The following PRKG1 variants were observed in gnomAD, a reference collection of about 807,000 sequenced individuals.
PRKG1 encodes protein kinase cGMP-dependent 1.
In PRKG1, 35 loss-of-function variants were observed where a neutral mutation model predicts 88.1. The observed-to-expected ratio is 0.40, with a 90% CI of 0.30 to 0.53. The LOEUF (loss-of-function observed/expected upper bound fraction) is 0.53, where lower values mean the gene tolerates loss of function less well. PRKG1 is among the 20% of genes least tolerant of loss of function. The pLI is 0.59. For missense variants in PRKG1, 540 were observed against 839.8 expected, an observed-to-expected ratio of 0.64 and a Z score of 4.41; for synonymous variants, 303 against 292.5, an observed-to-expected ratio of 1.04 and a Z score of -0.37.
rs561052708 is a variant in PRKG1, at chr10:51,318,139, T to C, written c.479-149584T>C. Among the ~76,000 whole-genome samples the C allele has an allele frequency of 2.1e-3, 314 of 152,330 alleles. 2 individuals carry two copies. The highest frequency in any genetic ancestry group is 7.3e-3 in the African/African-American group (303 of 41,584). Reference sequence around the variant, plus strand: ...ACAGAAATTACACTCTACTTACTTATGTGTCCTCAGCCTTTTGTTCAGAGA... The same window carrying C: ...ACAGAAATTACACTCTACTTACTTACGTGTCCTCAGCCTTTTGTTCAGAGA... On this transcript the variant is annotated intron_variant, in intron 2 of 17. Coordinates refer to ENST00000373980, the MANE Select transcript of PRKG1 (RefSeq NM_006258.4).
chr10:51,945,137 T>C (rs954073051), intron 5 of PRKG1, among the ~76,000 whole-genome samples: 3 of 150,382 alleles, frequency 2.0e-5, no homozygotes, highest in African/African-American at 7.4e-5. Flanking sequence ...CTCTGGGTGC[T>C]CCTGTATTGG....
intron 3 of PRKG1, among the ~76,000 whole-genome samples, chr10:51,755,047 C>T (rs1589260136): frequency 6.6e-6 from 1 of 151,572 alleles, no homozygotes; most frequent in South Asian, 2.1e-4. Flanking sequence ...TATGTATTAG[C>T]TACATATGTA....
At chr10:51,106,135 C>T (rs1436617784) in intron 1 of PRKG1, among the ~76,000 whole-genome samples, 5 of 152,178 alleles carry the variant, frequency 3.3e-5, no homozygotes, top group Admixed American at 2.6e-4. Flanking sequence ...AAAGTTAATA[C>T]TGAATTTTGG....
chr10:51,969,405 T>C (rs996832188), intron 5 of PRKG1, among the ~76,000 whole-genome samples: 2 of 152,146 alleles, frequency 1.3e-5, no homozygotes, highest in Non-Finnish European at 2.9e-5. Flanking sequence ...TACCCATTGG[T>C]CTAAAGTAGA....
intron 3 of PRKG1, among the ~76,000 whole-genome samples, chr10:51,501,503 A>ATAGC (rs1841022618): frequency 6.6e-6 from 1 of 152,060 alleles, no homozygotes; most frequent in Non-Finnish European, 1.5e-5. Flanking sequence ...TGTCTTGTCT[A>ATAGC]ATGGGAGTGC....
chr10:51,366,412 A>G (rs1842591403), intron 2 of PRKG1, among the ~76,000 whole-genome samples: 1 of 151,988 alleles, frequency 6.6e-6, no homozygotes. Flanking sequence ...CAAGAAAACA[A>G]TGTTCCTGTC....
chr10:51,503,878 T>C (rs1365192990), intron 3 of PRKG1, among the ~76,000 whole-genome samples: 2 of 152,152 alleles, frequency 1.3e-5, no homozygotes, highest in African/African-American at 4.8e-5. Flanking sequence ...AGAAAATCAG[T>C]TATTTGAAAA....
At chr10:51,559,287 C>T (rs966699834) in intron 3 of PRKG1, among the ~76,000 whole-genome samples, 7 of 151,936 alleles carry the variant, frequency 4.6e-5, no homozygotes, top group African/African-American at 1.7e-4. Flanking sequence ...GAAATGATAC[C>T]GACGGGACAG....
At chr10:51,321,068 T>TAA (rs34910944) in intron 2 of PRKG1, among the ~76,000 whole-genome samples, 3 of 151,640 alleles carry the variant, frequency 2.0e-5, no homozygotes, top group South Asian at 2.1e-4. Context: ...TTAGAGGAAT[T>TAA]AAAAAAAAAT....
intron 4 of PRKG1, among the ~76,000 whole-genome samples, chr10:51,832,870 C>G (rs563822193): frequency 6.6e-6 from 1 of 152,086 alleles, no homozygotes; most frequent in African/African-American, 2.4e-5. Flanking sequence ...CTCTCTGGTA[C>G]GGCCCTCAGA....
intron 3 of PRKG1, among the ~76,000 whole-genome samples, chr10:51,494,350 G>T (rs1166503094): frequency 6.6e-6 from 1 of 152,056 alleles, no homozygotes; most frequent in East Asian, 1.9e-4. Context: ...TGATGCAAAA[G>T]AAAAAGAAAA....
intron 4 of PRKG1, among the ~76,000 whole-genome samples, chr10:51,809,153 G>T (rs1447361820): frequency 6.6e-6 from 1 of 151,904 alleles, no homozygotes; most frequent in African/African-American, 2.4e-5. Flanking sequence ...CAGTCATGTG[G>T]TTTGGCCCCC....
chr10:51,061,631 C>A (rs1176149286), intron 1 of PRKG1, among the ~76,000 whole-genome samples: 4 of 152,144 alleles, frequency 2.6e-5, no homozygotes, highest in Admixed American at 2.6e-4. Context: ...TCCCATAACT[C>A]CACATCTCAT....
chr10:51,663,936 A>C (rs931093578), intron 3 of PRKG1, among the ~76,000 whole-genome samples: 1 of 152,088 alleles, frequency 6.6e-6, no homozygotes, highest in Non-Finnish European at 1.5e-5. Flanking sequence ...GATTCTTTGA[A>C]TAAAATAAAC....
intron 5 of PRKG1, among the ~76,000 whole-genome samples, chr10:51,915,762 A>G (rs1261399927): frequency 6.6e-6 from 1 of 152,182 alleles, no homozygotes; most frequent in African/African-American, 2.4e-5. Flanking sequence ...TAATAATAAA[A>G]AGATGAATAA....
intron 7 of PRKG1, chr10:52,128,566 G>A (rs1199857005): frequency 2.0e-6 from 2 of 985,168 alleles, no homozygotes; most frequent in African/African-American, 3.5e-5. Flanking sequence ...ACCTATATTT[G>A]CAAATATTTT....
At chr10:51,405,745 T>C (rs1232163211) in intron 2 of PRKG1, among the ~76,000 whole-genome samples, 2 of 152,144 alleles carry the variant, frequency 1.3e-5, no homozygotes, top group African/African-American at 4.8e-5. Flanking sequence ...CCATAAAAGG[T>C]ATCCGAAATA....
At chr10:51,396,908 T>A (rs1837591318) in intron 2 of PRKG1, among the ~76,000 whole-genome samples, 1 of 152,032 alleles carries the variant, frequency 6.6e-6, no homozygotes, top group African/African-American at 2.4e-5. Flanking sequence ...ATATTCAAGA[T>A]AAATAATATT....
intron 3 of PRKG1, among the ~76,000 whole-genome samples, chr10:51,770,686 T>C (rs1388814128): frequency 6.6e-6 from 1 of 152,148 alleles, no homozygotes; most frequent in East Asian, 1.9e-4. Flanking sequence ...ATCTAGGTTG[T>C]GCACTCTTTA....
Sources: allele counts gnomAD v4.1 joint callset (sites outside exome capture counted in the v4.1 genomes callset), GRCh38; gene constraint gnomAD v4.1.1; transcripts MANE v1.5; gene names NCBI Gene and HGNC (gene_info 2026-07-23, HGNC 2026-07-21).